ZNHIT6: variants seen among roughly 807,000 people sequenced by gnomAD.
ZNHIT6 encodes the protein zinc finger HIT-type containing 6.
Under a neutral mutation model 57.2 loss-of-function variants are expected in ZNHIT6, and 45 were observed. The observed-to-expected ratio is 0.79, with a 90% CI of 0.62 to 1.01. The LOEUF is 1.01. Ranked by LOEUF, ZNHIT6 falls within the 50% of genes least tolerant of loss-of-function variation. ZNHIT6 has a pLI of 0.00. For synonymous variants in ZNHIT6, 188 were observed against 190.0 expected, an observed-to-expected ratio of 0.99 and a Z score of 0.09; for missense variants, 528 against 567.3, an observed-to-expected ratio of 0.93 and a Z score of 0.70.
At position 85,677,255 on chromosome 1, in the gene ZNHIT6, T is replaced by C; in HGVS notation, c.1228A>G (p.Met410Val). ...GVQILMKIEY[M>V]QQNLVRYYEL... ...TTTTACCTTACTAAATTTTGCTGCA[T>C]ATATTCAATCTTCATTAAAATCTGA... is the stretch of plus-strand genomic sequence containing the variant. The change falls in exon 8 of 10, where the codon ATG becomes GTG. Residue 410 changes from methionine (M) to valine (V), a missense_variant. By Grantham distance (21) the Met-to-Val change is conservative (BLOSUM62 1). Coordinates refer to ENST00000370574, the MANE Select transcript of ZNHIT6 (RefSeq NM_017953.4). The C allele has an allele frequency of 3.7e-6, 6 of 1,607,542 alleles. No individual in the cohort carries two copies. Among genetic ancestry groups the C allele is most frequent in the Admixed American group, 1.7e-5 (1 of 58,608 alleles).
chr1:85,693,610 G>A (rs1662278703), intron 5 of ZNHIT6, among the ~76,000 whole-genome samples: 1 of 151,994 alleles, frequency 6.6e-6, no homozygotes, highest in South Asian at 2.1e-4. Flanking sequence ...AAAATAAAAA[G>A]AAATAGCACT....
intron 6 of ZNHIT6, 39 bp from the exon 7 acceptor site, chr1:85,678,820 T>C: frequency 1.7e-6 from 2 of 1,187,756 alleles, no homozygotes; most frequent in Non-Finnish European, 2.3e-6. Context: ...ATATTAGTAT[T>C]TATAATTTTC....
At chr1:85,667,436 A>G (rs1661398513) in intron 8 of ZNHIT6, among the ~76,000 whole-genome samples, 1 of 152,140 alleles carries the variant, frequency 6.6e-6, no homozygotes, top group African/African-American at 2.4e-5. Flanking sequence ...CTTAAACATA[A>G]CCTAAAATAA....
At chr1:85,699,893 C>T (rs1307536568) in intron 5 of ZNHIT6, among the ~76,000 whole-genome samples, 2 of 152,018 alleles carry the variant, frequency 1.3e-5, no homozygotes, top group African/African-American at 2.4e-5. Flanking sequence ...AAGAATGAGG[C>T]AGATTTGCAT....
intron 5 of ZNHIT6, among the ~76,000 whole-genome samples, chr1:85,686,876 T>C (rs1348563751): frequency 6.6e-6 from 1 of 152,136 alleles, no homozygotes; most frequent in Non-Finnish European, 1.5e-5. Flanking sequence ...TCTTAACATG[T>C]TCTTCAGCAA....
At chr1:85,658,742 A>G (rs563608370) in intron 8 of ZNHIT6, among the ~76,000 whole-genome samples, 167 of 152,042 alleles carry the variant, frequency 1.1e-3, no homozygotes, top group African/African-American at 3.7e-3. Flanking sequence ...ATGGTGGCAC[A>G]TGCCTGTAAT....
chr1:85,658,207 A>G (rs1406126725), intron 8 of ZNHIT6, among the ~76,000 whole-genome samples: 1 of 152,140 alleles, frequency 6.6e-6, no homozygotes, highest in Non-Finnish European at 1.5e-5. Flanking sequence ...GACATTAGGA[A>G]AGCTCTAAAA....
At chr1:85,692,304 A>G (rs1478050929) in intron 5 of ZNHIT6, among the ~76,000 whole-genome samples, 1 of 152,106 alleles carries the variant, frequency 6.6e-6, no homozygotes, top group African/African-American at 2.4e-5. Flanking sequence ...TTGGCTTTAC[A>G]TTTCTATGAA....
chr1:85,667,542 T>C (rs985648661), intron 8 of ZNHIT6, among the ~76,000 whole-genome samples: 4 of 151,888 alleles, frequency 2.6e-5, no homozygotes, highest in African/African-American at 9.7e-5. Context: ...ATTGTGAATA[T>C]TGATGTTTTA....
Position 85,654,102 on chromosome 1 carries a change from GA to G in ZNHIT6, c.1373-5del, listed in dbSNP as rs759248127. ...TTCTTGGTAGATTCACTCTTCACTA[GA>G]AAAAAATAAGTAAACATACAGTCAA... On this transcript the variant is annotated splice_polypyrimidine_tract_variant and splice_region_variant and intron_variant, in intron 9 of 9. Transcript: ENST00000370574. The G allele has an allele frequency of 4.4e-6, 7 of 1,608,872 alleles. No individual in the cohort carries two copies. Among genetic ancestry groups the G allele is most frequent in the African/African-American group, 4.0e-5 (3 of 74,522 alleles).
intron 8 of ZNHIT6, among the ~76,000 whole-genome samples, chr1:85,664,111 G>A (rs1233915698): frequency 1.3e-5 from 2 of 152,200 alleles, no homozygotes; most frequent in African/African-American, 4.8e-5. Context: ...CAAGGATGGG[G>A]AAGTTTTCAT....
At chr1:85,687,382 CG>C (rs957475529) in intron 5 of ZNHIT6, among the ~76,000 whole-genome samples, 1 of 149,720 alleles carries the variant, frequency 6.7e-6, no homozygotes, top group Non-Finnish European at 1.5e-5. Context: ...AGTATTTTGC[CG>C]TGATTTCATA....
At chr1:85,655,464 G>A (rs1661036226) in intron 9 of ZNHIT6, among the ~76,000 whole-genome samples, 1 of 152,102 alleles carries the variant, frequency 6.6e-6, no homozygotes, top group Non-Finnish European at 1.5e-5. Context: ...TAAAGGCTGA[G>A]GCATTTTCTA....
chr1:85,655,403 C>A (rs957020163), intron 9 of ZNHIT6, among the ~76,000 whole-genome samples: 3 of 152,100 alleles, frequency 2.0e-5, no homozygotes, highest in African/African-American at 7.2e-5. Context: ...AGCTGCTATG[C>A]CAGGTATTTT....
rs1661849987 is a variant in ZNHIT6, at chr1:85,680,770, C to T, written c.1088+66G>A. On this transcript the variant is annotated intron_variant, in intron 6 of 9. Transcript: ENST00000370574. ...CATTCTACTACTGACATTAAGTTAA[C>T]AGTTTATTTTAAATACACAGCCTTC... 6 of 1,214,176 alleles carry T rather than the reference C, an allele frequency of 4.9e-6. No homozygotes were observed. In the South Asian group the frequency reaches 8.0e-5, roughly 16 times the overall value. 75.2% of individuals were successfully genotyped at this position (1,214,176 alleles called of 1,614,324 possible). A position where few individuals can be genotyped will look rare whatever the true frequency, so the allele number is the denominator to read the frequency against.
chr1:85,664,422 C>T (rs745606579), intron 8 of ZNHIT6, among the ~76,000 whole-genome samples: 1 of 152,146 alleles, frequency 6.6e-6, no homozygotes, highest in Non-Finnish European at 1.5e-5. Flanking sequence ...TTTACATTGG[C>T]TATTTTGTCT....
chr1:85,701,563 T>G (rs1308106824), intron 5 of ZNHIT6, among the ~76,000 whole-genome samples: 1 of 152,214 alleles, frequency 6.6e-6, no homozygotes, highest in East Asian at 1.9e-4. Flanking sequence ...CAAAGTCCCC[T>G]TCTTCTACAT....
intron 5 of ZNHIT6, among the ~76,000 whole-genome samples, chr1:85,687,293 A>AAAAAAAG (rs1413350109): frequency 1.5e-5 from 2 of 132,984 alleles, no homozygotes; most frequent in African/African-American, 5.6e-5. Flanking sequence ...AAAAACAAAA[A>AAAAAAAG]AAAAACAAAA....
rs533095949 is a variant in ZNHIT6, at chr1:85,679,766, G to C, written c.1089-985C>G. ...CCCCCAGCTAATTTTTGTATTTTTA[G>C]TAGAGACGGGGTTTCACCATGTTGG... On this transcript the variant is annotated intron_variant, in intron 6 of 9. Coordinates refer to ENST00000370574, the MANE Select transcript of ZNHIT6 (RefSeq NM_017953.4). Among the ~76,000 whole-genome samples the C allele has an allele frequency of 1.8e-4, 28 of 152,040 alleles. 1 individual carries two copies. The South Asian group carries it at 5.8e-3, about 32-fold the overall frequency.
Sources: allele counts gnomAD v4.1 joint callset (sites outside exome capture counted in the v4.1 genomes callset), GRCh38; gene constraint gnomAD v4.1.1; transcripts MANE v1.5; gene names NCBI Gene and HGNC (gene_info 2026-07-23, HGNC 2026-07-21).